The following CPA6 variants were observed in gnomAD, a reference collection of about 807,000 sequenced individuals.
CPA6 encodes carboxypeptidase A6.
Under a neutral mutation model 63.3 loss-of-function variants are expected in CPA6, and 58 were observed. The observed-to-expected ratio is 0.92, with a 90% CI of 0.74 to 1.14. The LOEUF is 1.14. Ranked by LOEUF, CPA6 falls within the 50% of genes most tolerant of loss-of-function variation. The pLI, the probability that CPA6 is intolerant of heterozygous loss-of-function variation, is 0.00. For missense variants in CPA6, 565 were observed against 526.6 expected, an observed-to-expected ratio of 1.07 and a Z score of -0.71; for synonymous variants, 185 against 179.0, an observed-to-expected ratio of 1.03 and a Z score of -0.27.
At chr8:67,604,673 G>C (rs1214521268) in intron 2 of CPA6, among the ~76,000 whole-genome samples, 1 of 152,140 alleles carries the variant, frequency 6.6e-6, no homozygotes, top group East Asian at 1.9e-4. Flanking sequence ...ATAAACATTT[G>C]TGGAATTTGT....
rs1418013154 is a variant in CPA6, at chr8:67,635,418, A to C, written c.117-11167T>G. ...GCTCTTTGGCATCTGAGAAATGCAC[A>C]TATTGGATGGTCTCATTTTCTACAA... On this transcript the variant is annotated intron_variant, in intron 1 of 10. Coordinates refer to ENST00000297770, the MANE Select transcript of CPA6 (RefSeq NM_020361.5). Among the ~76,000 whole-genome samples, 4 of 151,666 alleles carry C rather than the reference A, an allele frequency of 2.6e-5. No homozygotes were observed. In the East Asian group the frequency reaches 7.7e-4, roughly 29 times the overall value.
At chr8:67,541,452 C>A (rs765608587) in intron 2 of CPA6, among the ~76,000 whole-genome samples, 2 of 152,138 alleles carry the variant, frequency 1.3e-5, no homozygotes, top group African/African-American at 4.8e-5. Context: ...AAAAAAAGCA[C>A]TGTGAAGATC....
At chr8:67,544,929 T>A (rs79679846) in intron 2 of CPA6, among the ~76,000 whole-genome samples, 2,131 of 152,240 alleles carry the variant, frequency 0.014, 48 homozygotes, top group African/African-American at 0.048. Flanking sequence ...TTTAGATCCA[T>A]TTTTTTGGGG....
chr8:67,572,469 G>A (rs911566557), intron 2 of CPA6, among the ~76,000 whole-genome samples: 1 of 152,170 alleles, frequency 6.6e-6, no homozygotes, highest in Non-Finnish European at 1.5e-5. Flanking sequence ...GCCCATGTCT[G>A]CTTTTCCTTT....
intron 1 of CPA6, among the ~76,000 whole-genome samples, chr8:67,639,217 A>G (rs900507325): frequency 2.6e-5 from 4 of 151,492 alleles, no homozygotes; most frequent in Non-Finnish European, 5.9e-5. Context: ...TGCTACTGTT[A>G]TGGGATTCTT....
intron 2 of CPA6, among the ~76,000 whole-genome samples, chr8:67,580,826 G>A (rs997436433): frequency 2.0e-5 from 3 of 152,192 alleles, no homozygotes; most frequent in Admixed American, 6.5e-5. Flanking sequence ...GCATGACAGT[G>A]CTCCCATGAT....
chr8:67,562,919 CCTT>C (rs1339370854), intron 2 of CPA6, among the ~76,000 whole-genome samples: 3 of 152,140 alleles, frequency 2.0e-5, no homozygotes, highest in Non-Finnish European at 4.4e-5. Context: ...TGATATCACA[CCTT>C]CTGGTATTTC....
intron 1 of CPA6, among the ~76,000 whole-genome samples, chr8:67,693,765 T>G (rs921186996): frequency 1.3e-5 from 2 of 152,180 alleles, no homozygotes; most frequent in African/African-American, 4.8e-5. Flanking sequence ...CTGTGAGAGT[T>G]AGAGTTCTGT....
At chr8:67,483,985 C>A (rs577587763) in intron 7 of CPA6, 127 bp from the exon 8 acceptor site, 5 of 762,006 alleles carry the variant, frequency 6.6e-6, no homozygotes, top group Non-Finnish European at 1.1e-5. Context: ...ATAGACAAGC[C>A]CAGGGAGTGA....
chr8:67,565,032 C>T lies in CPA6; in HGVS notation c.193-46985G>A, dbSNP rs113790289. On this transcript the variant is annotated intron_variant, in intron 2 of 10. Coordinates refer to ENST00000297770, the MANE Select transcript of CPA6 (RefSeq NM_020361.5). Reference sequence around the variant, plus strand: ...ATGTAACATGTGGTCGGATCAGTTACGCCATCTGAATTAAAGCTAGAGATG... The same window carrying T: ...ATGTAACATGTGGTCGGATCAGTTATGCCATCTGAATTAAAGCTAGAGATG... Among the ~76,000 whole-genome samples the T allele has an allele frequency of 2.6e-5, 4 of 152,272 alleles. 1 individual carries two copies. In the South Asian group the frequency reaches 6.2e-4, roughly 24 times the overall value.
chr8:67,657,317 A>T (rs1017414162), intron 1 of CPA6, among the ~76,000 whole-genome samples: 1 of 141,126 alleles, frequency 7.1e-6, no homozygotes, highest in African/African-American at 2.5e-5. Flanking sequence ...ACTATTGCAT[A>T]TCTCTGAAAA....
At chr8:67,627,378 C>T (rs1045054673) in intron 1 of CPA6, among the ~76,000 whole-genome samples, 12 of 152,154 alleles carry the variant, frequency 7.9e-5, no homozygotes, top group Admixed American at 2.0e-4. Flanking sequence ...AAAAACTAAC[C>T]ATGCAAAACT....
At chr8:67,484,929 G>A (rs1164924426) in intron 6 of CPA6, 140 bp from the exon 7 acceptor site, 1 of 508,652 alleles carries the variant, frequency 2.0e-6, no homozygotes, top group East Asian at 3.2e-5. Flanking sequence ...TTTAGTCTTC[G>A]ACATTGTAAA....
chr8:67,468,138 A>C (rs1407124229), intron 8 of CPA6, among the ~76,000 whole-genome samples: 1 of 152,168 alleles, frequency 6.6e-6, no homozygotes, highest in Non-Finnish European at 1.5e-5. Context: ...TTCCACTAAA[A>C]TACCCCTAAC....
intron 8 of CPA6, among the ~76,000 whole-genome samples, chr8:67,458,667 C>T (rs116742364): frequency 0.031 from 4,777 of 152,208 alleles, 240 homozygotes; most frequent in African/African-American, 0.11. Flanking sequence ...TCTTTTAAAG[C>T]GTTAGTATCA....
intron 2 of CPA6, among the ~76,000 whole-genome samples, chr8:67,583,127 T>C (rs1033247659): frequency 5.3e-5 from 8 of 149,544 alleles, no homozygotes; most frequent in African/African-American, 2.0e-4. Flanking sequence ...TTGATTTCAA[T>C]AGTGTAAAGA....
chr8:67,683,622 T>G (rs1384208593), intron 1 of CPA6, among the ~76,000 whole-genome samples: 2 of 152,292 alleles, frequency 1.3e-5, no homozygotes, highest in African/African-American at 2.4e-5. Flanking sequence ...ATGTTATTTG[T>G]CTATTGCAGT....
intron 2 of CPA6, among the ~76,000 whole-genome samples, chr8:67,547,332 C>T (rs1263128330): frequency 6.6e-6 from 1 of 152,182 alleles, no homozygotes; most frequent in Non-Finnish European, 1.5e-5. Flanking sequence ...AGGCATGAGC[C>T]ACTGTGCCCG....
At chr8:67,561,897 G>T (rs1813221938) in intron 2 of CPA6, among the ~76,000 whole-genome samples, 1 of 152,120 alleles carries the variant, frequency 6.6e-6, no homozygotes, top group Non-Finnish European at 1.5e-5. Context: ...CTATTAAAAG[G>T]TATGCTTTCC....
Sources: allele counts gnomAD v4.1 joint callset (sites outside exome capture counted in the v4.1 genomes callset), GRCh38; gene constraint gnomAD v4.1.1; transcripts MANE v1.5; gene names NCBI Gene and HGNC (gene_info 2026-07-23, HGNC 2026-07-21).